GTF2A1L: variants seen among roughly 807,000 people sequenced by gnomAD.
GTF2A1L encodes the protein general transcription factor IIA subunit 1 like.
GTF2A1L carries 48 observed loss-of-function variants against 49.7 expected under a neutral mutation model. The ratio of observed to expected loss-of-function variants is 0.97; its 90% confidence interval spans 0.77 to 1.23. The LOEUF is 1.23. GTF2A1L is among the 50% of genes most tolerant of loss of function. The pLI is 0.00. For missense variants in GTF2A1L, 736 were observed against 564.8 expected, an observed-to-expected ratio of 1.30 and a Z score of -3.07; for synonymous variants, 246 against 193.5, an observed-to-expected ratio of 1.27 and a Z score of -2.25.
At chr2:48,623,393 G>T (rs910484358) in intron 3 of GTF2A1L, among the ~76,000 whole-genome samples, 6 of 152,156 alleles carry the variant, frequency 3.9e-5, no homozygotes, top group African/African-American at 1.4e-4. Flanking sequence ...TCTCACACTA[G>T]TCAGAATGGC....
chr2:48,639,116 C>T (rs184428689), intron 3 of GTF2A1L, among the ~76,000 whole-genome samples: 1 of 152,228 alleles, frequency 6.6e-6, no homozygotes, highest in East Asian at 1.9e-4. Flanking sequence ...ATTAAAATGG[C>T]CATACTACCC....
At chr2:48,665,609 T>A (rs1678798415) in intron 6 of GTF2A1L, among the ~76,000 whole-genome samples, 1 of 152,174 alleles carries the variant, frequency 6.6e-6, no homozygotes, top group South Asian at 2.1e-4. Flanking sequence ...GTTTAATTTT[T>A]AAATATTTGG....
chr2:48,617,860 G>A lies in GTF2A1L; in HGVS notation c.-15G>A. On this transcript the variant is annotated 5_prime_UTR_variant, in exon 1 of 9. Transcript: ENST00000403751. ...GCCGCGCAGGCGCAAAGGGCCAGGT[G>A]CTGGAGGTGCTGTCATGGCCTGCCT... 6.4e-7 allele frequency: 1 copy of A among 1,551,796 alleles called. No homozygotes were observed. Among genetic ancestry groups the A allele is most frequent in the Non-Finnish European group, 8.7e-7 (1 of 1,147,020 alleles).
chr2:48,662,719 G>C (rs563749004), intron 6 of GTF2A1L, among the ~76,000 whole-genome samples: 1 of 149,790 alleles, frequency 6.7e-6, no homozygotes, highest in African/African-American at 2.5e-5. Flanking sequence ...TTCAAACTTC[G>C]GCTGAGGAAT....
chr2:48,666,171 C>A (rs1273683758), intron 6 of GTF2A1L, among the ~76,000 whole-genome samples: 1 of 151,184 alleles, frequency 6.6e-6, no homozygotes, highest in African/African-American at 2.4e-5. Flanking sequence ...TTTTAACTTA[C>A]CTGTGTCATT....
rs1192002003 is a variant in GTF2A1L at position 48,628,354 on chromosome 2, T to C, written c.247+7064T>C. Among the ~76,000 whole-genome samples the C allele has an allele frequency of 1.4e-5, 2 of 144,282 alleles. 1 individual carries two copies. Among genetic ancestry groups the C allele is most frequent in the Non-Finnish European group, 3.1e-5 (2 of 64,060 alleles). The allele number at this position is 144,282 out of a possible 152,430, so 94.7% of individuals were successfully genotyped here. A position where few individuals can be genotyped will look rare whatever the true frequency, so the allele number is the denominator to read the frequency against. On this transcript the variant is annotated intron_variant, in intron 3 of 8. Coordinates refer to ENST00000403751, the MANE Select transcript of GTF2A1L (RefSeq NM_006872.5). The stretch of plus-strand genomic sequence containing the variant: ...TACATTCCCACCAACAGTGTACAAG[T>C]GTTCTTTTTTCTCTGCAGCCTTGCC...
intron 4 of GTF2A1L, among the ~76,000 whole-genome samples, chr2:48,644,307 A>G (rs1180521812): frequency 6.6e-6 from 1 of 152,232 alleles, no homozygotes; most frequent in Non-Finnish European, 1.5e-5. Context: ...TTTTTAGGAT[A>G]AAAAGTAGGG....
chr2:48,643,464 A>G (rs771756816), intron 4 of GTF2A1L, among the ~76,000 whole-genome samples: 1 of 152,182 alleles, frequency 6.6e-6, no homozygotes, highest in African/African-American at 2.4e-5. Flanking sequence ...CCAAAACCAC[A>G]CACCTTAATA....
At chr2:48,644,985 C>G (rs1339236719) in intron 4 of GTF2A1L, 48 bp from the exon 5 acceptor site, 2 of 1,541,590 alleles carry the variant, frequency 1.3e-6, no homozygotes, top group Admixed American at 2.1e-5. Flanking sequence ...AAAAAAGATA[C>G]AAGTAAAGTC....
chr2:48,652,664 C>T (rs940052037), intron 6 of GTF2A1L, among the ~76,000 whole-genome samples: 1 of 151,228 alleles, frequency 6.6e-6, no homozygotes, highest in African/African-American at 2.4e-5. Flanking sequence ...AGGCCTAGGA[C>T]AAATCTTATA....
intron 7 of GTF2A1L, 149 bp downstream of exon 7, chr2:48,670,131 A>T: frequency 8.2e-7 from 1 of 1,219,580 alleles, no homozygotes; most frequent in Non-Finnish European, 1.1e-6. Context: ...GGTGGCTCAC[A>T]CATGTAATCC....
rs775059352 is a variant in GTF2A1L, at chr2:48,617,871, T to C, written c.-4T>C. 36 of 1,551,712 alleles carry C rather than the reference T, an allele frequency of 2.3e-5. No individual in the cohort carries two copies. Among genetic ancestry groups the C allele is most frequent in the Non-Finnish European group, 3.1e-5 (35 of 1,147,046 alleles). On this transcript the variant is annotated 5_prime_UTR_variant, in exon 1 of 9. Coordinates refer to ENST00000403751, the MANE Select transcript of GTF2A1L (RefSeq NM_006872.5). ...GCAAAGGGCCAGGTGCTGGAGGTGC[T>C]GTCATGGCCTGCCTCAACCCGGTGG...
intron 5 of GTF2A1L, among the ~76,000 whole-genome samples, chr2:48,645,528 A>G (rs188862388): frequency 2.4e-4 from 36 of 152,264 alleles, no homozygotes; most frequent in African/African-American, 8.4e-4. Flanking sequence ...TAGGACATCC[A>G]ATAGTTTGGA....
At chr2:48,618,009 C>G (rs894819148) in intron 1 of GTF2A1L, 114 bp downstream of exon 1, 4 of 1,075,052 alleles carry the variant, frequency 3.7e-6, no homozygotes, top group South Asian at 3.2e-5. Context: ...GTCATAAACC[C>G]TCTCTCTTCC....
At chr2:48,624,781 T>C (rs1486576973) in intron 3 of GTF2A1L, among the ~76,000 whole-genome samples, 1 of 142,154 alleles carries the variant, frequency 7.0e-6, no homozygotes, top group African/African-American at 2.5e-5. Flanking sequence ...TTTTAACATA[T>C]AAATGAGATC....
intron 6 of GTF2A1L, among the ~76,000 whole-genome samples, chr2:48,648,411 T>C (rs1677657002): frequency 6.6e-6 from 1 of 152,110 alleles, no homozygotes; most frequent in African/African-American, 2.4e-5. Context: ...TTTGGTGTGA[T>C]GAGTCAAGGA....
At chr2:48,672,728 T>C (rs12473878) in intron 8 of GTF2A1L, among the ~76,000 whole-genome samples, 1 of 151,966 alleles carries the variant, frequency 6.6e-6, no homozygotes, top group Non-Finnish European at 1.5e-5. Flanking sequence ...CAAATGGGAG[T>C]TTTTGTCCTT....
chr2:48,623,304 T>A (rs754096815), intron 3 of GTF2A1L, among the ~76,000 whole-genome samples: 1 of 152,240 alleles, frequency 6.6e-6, no homozygotes, highest in Admixed American at 6.5e-5. Context: ...AAATTAAATC[T>A]ACAATTCAAT....
At chr2:48,654,780 T>C (rs1481193150) in intron 6 of GTF2A1L, among the ~76,000 whole-genome samples, 1 of 152,236 alleles carries the variant, frequency 6.6e-6, no homozygotes, top group Non-Finnish European at 1.5e-5. Context: ...GTGCACATTA[T>C]GTATCTAAAG....
Sources: allele counts gnomAD v4.1 joint callset (sites outside exome capture counted in the v4.1 genomes callset), GRCh38; gene constraint gnomAD v4.1.1; transcripts MANE v1.5; gene names NCBI Gene and HGNC (gene_info 2026-07-23, HGNC 2026-07-21).